The following OXR1 variants were observed in gnomAD, a reference collection of about 807,000 sequenced individuals.
The protein encoded by OXR1 is oxidation resistance protein 1.
OXR1 carries 41 observed loss-of-function variants against 104.6 expected under a neutral mutation model. The observed-to-expected ratio is 0.39, with a 90% CI of 0.31 to 0.51. OXR1 has a LOEUF of 0.51. OXR1 is among the 20% of genes least tolerant of loss of function. The pLI, the probability that OXR1 is intolerant of heterozygous loss-of-function variation, is 0.77. For synonymous variants in OXR1, 348 were observed against 348.4 expected (o/e 1.00, Z 0.01); for missense variants, 955 against 1,031.9 (o/e 0.93, Z 1.02).
chr8:106,444,871 G>A (rs932974456), intron 2 of OXR1, among the ~76,000 whole-genome samples: 1 of 152,082 alleles, frequency 6.6e-6, no homozygotes, highest in Non-Finnish European at 1.5e-5. Flanking sequence ...TGTAGAAAAT[G>A]TATATGTACA....
intron 2 of OXR1, among the ~76,000 whole-genome samples, chr8:106,435,879 T>G (rs1434217834): frequency 6.6e-6 from 1 of 152,178 alleles, no homozygotes; most frequent in Non-Finnish European, 1.5e-5. Flanking sequence ...TATTGGATGT[T>G]GTTGGTCATA....
At chr8:106,358,656 A>C in intron 1 of OXR1, among the ~76,000 whole-genome samples, 1 of 152,210 alleles carries the variant, frequency 6.6e-6, no homozygotes, top group Middle Eastern at 3.2e-3. Context: ...TGCTAACAGT[A>C]CTATGGAATT....
At chr8:106,326,741 A>G (rs1814486456) in intron 1 of OXR1, among the ~76,000 whole-genome samples, 1 of 152,180 alleles carries the variant, frequency 6.6e-6, no homozygotes, top group Non-Finnish European at 1.5e-5. Context: ...ACATTTGAGG[A>G]ACACGAAGGA....
chr8:106,654,812 G>A (rs1222801069), intron 3 of OXR1, among the ~76,000 whole-genome samples: 1 of 152,100 alleles, frequency 6.6e-6, no homozygotes, highest in Non-Finnish European at 1.5e-5. Flanking sequence ...TCACTTCTAT[G>A]TATATATGTG....
At chr8:106,634,245 C>T (rs1822951080) in intron 3 of OXR1, among the ~76,000 whole-genome samples, 2 of 152,176 alleles carry the variant, frequency 1.3e-5, no homozygotes, top group African/African-American at 4.8e-5. Flanking sequence ...ACAATATGCT[C>T]CCTCTGAGGG....
At chr8:106,661,001 C>T (rs1825710093) in intron 3 of OXR1, among the ~76,000 whole-genome samples, 3 of 151,824 alleles carry the variant, frequency 2.0e-5, no homozygotes, top group African/African-American at 7.3e-5. Context: ...AACGAGACTC[C>T]ATCTCAAAAA....
chr8:106,622,577 C>T (rs1821810332), intron 3 of OXR1, among the ~76,000 whole-genome samples: 1 of 152,120 alleles, frequency 6.6e-6, no homozygotes, highest in Non-Finnish European at 1.5e-5. Flanking sequence ...CTGCTTCTTT[C>T]TCAAGGCCTT....
rs1360032774 is a variant in OXR1 at position 106,740,199 on chromosome 8, G to GTATC, written c.2164-142_2164-139dup. 2.7e-5 allele frequency: 15 copies of GTATC among 563,536 alleles called. No individual in the cohort carries two copies. The African/African-American group carries it at 2.7e-4, about 10-fold the overall frequency. The allele number at this position is 563,536 out of a possible 1,614,324, so 34.9% of individuals were successfully genotyped here. ...TGTGTAATACTTTTCAATCATCTTA[G>GTATC]TATCTTTGAGAATAATAATTTCTAC... is the stretch of plus-strand genomic sequence containing the variant. On this transcript the variant is annotated intron_variant, in intron 13 of 16. Coordinates refer to ENST00000517566, the MANE Select transcript of OXR1 (RefSeq NM_001198533.2).
rs1388623403 is a variant in OXR1, at chr8:106,726,444, G to T, written c.1957-11076G>T. 4 of 525,250 alleles carry T rather than the reference G, an allele frequency of 7.6e-6. No individual in the cohort carries two copies. In the Admixed American group the frequency reaches 1.5e-4, roughly 20 times the overall value. The allele number at this position is 525,250 out of a possible 1,614,324, so 32.5% of individuals were successfully genotyped here. A position where few individuals can be genotyped will look rare whatever the true frequency, so the allele number is the denominator to read the frequency against. ...ATACAAAATTTTATGATTGTACAAA[G>T]TACCTTGAAGTTGTTTCTGTTAATT... On this transcript the variant is annotated intron_variant, in intron 11 of 16. Coordinates refer to ENST00000517566, the MANE Select transcript of OXR1 (RefSeq NM_001198533.2).
intron 1 of OXR1, among the ~76,000 whole-genome samples, chr8:106,332,507 G>C (rs1379688537): frequency 6.6e-6 from 1 of 152,154 alleles, no homozygotes; most frequent in African/African-American, 2.4e-5. Flanking sequence ...CTAGGTTTTG[G>C]AGACTTGCAC....
At chr8:106,447,866 C>T in intron 2 of OXR1, 1 of 1,459,550 alleles carries the variant, frequency 6.9e-7, no homozygotes, top group Non-Finnish European at 9.0e-7. Flanking sequence ...AGATGTTGGT[C>T]TGATACTAGC....
At chr8:106,672,005 A>AATAATT (rs1827049998) in intron 3 of OXR1, among the ~76,000 whole-genome samples, 7 of 114,552 alleles carry the variant, frequency 6.1e-5, no homozygotes, top group Admixed American at 5.4e-4. Flanking sequence ...TAATAATAAT[A>AATAATT]AAAGGCTGTG....
At chr8:106,653,693 A>G (rs992533580) in intron 3 of OXR1, among the ~76,000 whole-genome samples, 2 of 151,994 alleles carry the variant, frequency 1.3e-5, no homozygotes, top group African/African-American at 4.8e-5. Context: ...GAATAAAACG[A>G]TATCTGCTCT....
At chr8:106,544,195 C>A (rs996030494) in intron 3 of OXR1, among the ~76,000 whole-genome samples, 2 of 147,728 alleles carry the variant, frequency 1.4e-5, no homozygotes, top group East Asian at 2.0e-4. Flanking sequence ...AAAGGATAAG[C>A]TTTTTCTTTT....
intron 3 of OXR1, among the ~76,000 whole-genome samples, chr8:106,674,650 C>A (rs1827381617): frequency 1.3e-5 from 2 of 152,132 alleles, no homozygotes; most frequent in African/African-American, 4.8e-5. Flanking sequence ...CCACCCAAAT[C>A]TCATCTTGAA....
intron 3 of OXR1, among the ~76,000 whole-genome samples, chr8:106,532,981 C>A (rs1814205205): frequency 6.6e-6 from 1 of 152,172 alleles, no homozygotes; most frequent in African/African-American, 2.4e-5. Flanking sequence ...TAATTAAATC[C>A]ATTCTTCATT....
intron 9 of OXR1, among the ~76,000 whole-genome samples, chr8:106,708,910 A>G (rs1389133352): frequency 6.6e-6 from 1 of 152,028 alleles, no homozygotes; most frequent in Non-Finnish European, 1.5e-5. Context: ...GATTTGGGTC[A>G]GTTTTTAAAA....
At chr8:106,505,921 T>C (rs1812129302) in intron 2 of OXR1, among the ~76,000 whole-genome samples, 1 of 152,230 alleles carries the variant, frequency 6.6e-6, no homozygotes, top group Non-Finnish European at 1.5e-5. Context: ...CTCTGGTTGC[T>C]ATAGCAGAGT....
chr8:106,433,855 C>T (rs1448930736), intron 2 of OXR1, among the ~76,000 whole-genome samples: 1 of 152,148 alleles, frequency 6.6e-6, no homozygotes, highest in Non-Finnish European at 1.5e-5. Flanking sequence ...AAGGAACATT[C>T]GTTTAAAGAT....
Sources: allele counts gnomAD v4.1 joint callset (sites outside exome capture counted in the v4.1 genomes callset), GRCh38; gene constraint gnomAD v4.1.1; transcripts MANE v1.5; gene names NCBI Gene and HGNC (gene_info 2026-07-23, HGNC 2026-07-21).